TANC2: variants seen among roughly 807,000 people sequenced by gnomAD.
TANC2 encodes the protein protein TANC2.
In TANC2, 26 loss-of-function variants were observed where a neutral mutation model predicts 210.5. The ratio of observed to expected loss-of-function variants is 0.12; its 90% CI spans 0.09 to 0.17. The LOEUF is 0.17. TANC2 is among the 10% of genes least tolerant of loss of function. The pLI, the probability that TANC2 is intolerant of heterozygous loss-of-function variation, is 1.00. For synonymous variants in TANC2, 931 were observed against 967.1 expected, an observed-to-expected ratio of 0.96 and a Z score of 0.69; for missense variants, 2,129 against 2,608.9, an observed-to-expected ratio of 0.82 and a Z score of 4.01.
chr17:63,148,816 A>G (rs2039550000), intron 4 of TANC2: 1 of 152,154 alleles, frequency 6.6e-6, no homozygotes, highest in Non-Finnish European at 1.5e-5. Flanking sequence ...TCCAGGTAAA[A>G]CATTATGCCC....
intron 4 of TANC2, among the ~76,000 whole-genome samples, chr17:63,139,680 T>C (rs1429705555): frequency 3.9e-5 from 6 of 152,154 alleles, no homozygotes; most frequent in African/African-American, 1.4e-4. Flanking sequence ...CTGAGGAGTA[T>C]TGCTTGAAGC....
chr17:63,134,575 C>T (rs2039025348), intron 4 of TANC2, among the ~76,000 whole-genome samples: 1 of 152,152 alleles, frequency 6.6e-6, no homozygotes, highest in Non-Finnish European at 1.5e-5. Flanking sequence ...TATACTTCAG[C>T]TGTCTATTAC....
chr17:63,340,048 C>A, intron 11 of TANC2, 53 bp from the exon 12 acceptor site: 1 of 1,283,874 alleles, frequency 7.8e-7, no homozygotes, highest in Non-Finnish European at 1.1e-6. Context: ...ATAATCATAG[C>A]TATTGCTCTT....
At chr17:63,036,497 G>A (rs984581826) in intron 2 of TANC2, among the ~76,000 whole-genome samples, 1 of 152,164 alleles carries the variant, frequency 6.6e-6, no homozygotes, top group African/African-American at 2.4e-5. Flanking sequence ...GTACTGCACT[G>A]TCTTGATTAC....
intron 4 of TANC2, 38 bp from the exon 5 acceptor site, chr17:63,151,232 C>T (rs996537307): frequency 3.5e-5 from 32 of 903,126 alleles, no homozygotes; most frequent in Non-Finnish European, 4.2e-5. Flanking sequence ...CTTGCTCTCT[C>T]TGTCTCTTGC....
intron 10 of TANC2, among the ~76,000 whole-genome samples, chr17:63,317,924 A>G (rs977365390): frequency 7.9e-5 from 12 of 152,258 alleles, no homozygotes; most frequent in African/African-American, 2.9e-4. Flanking sequence ...GGAAGTGAAC[A>G]GCAGAAATAA....
chr17:63,190,357 A>G (rs1308556405), intron 5 of TANC2, among the ~76,000 whole-genome samples: 2 of 151,928 alleles, frequency 1.3e-5, no homozygotes, highest in African/African-American at 2.4e-5. Flanking sequence ...AAAAAAAAAG[A>G]TCAATTGACC....
chr17:63,147,571 C>T (rs187925646), intron 4 of TANC2, among the ~76,000 whole-genome samples: 44 of 152,214 alleles, frequency 2.9e-4, no homozygotes, highest in African/African-American at 1.1e-3. Flanking sequence ...GATTGCTGGG[C>T]CCCCACCTTC....
At chr17:63,171,160 A>C (rs1213611896) in intron 5 of TANC2, among the ~76,000 whole-genome samples, 1 of 134,672 alleles carries the variant, frequency 7.4e-6, no homozygotes, top group Non-Finnish European at 1.5e-5. Flanking sequence ...ATCTCAGCTC[A>C]CTGCACTCCA....
intron 21 of TANC2, among the ~76,000 whole-genome samples, chr17:63,409,082 G>C (rs548087897): frequency 6.6e-6 from 1 of 152,208 alleles, no homozygotes. Flanking sequence ...AGGGTGGGTG[G>C]AGAATTTAAA....
intron 1 of TANC2, among the ~76,000 whole-genome samples, chr17:62,982,735 T>C (rs1466401085): frequency 1.3e-5 from 2 of 152,202 alleles, no homozygotes; most frequent in Non-Finnish European, 2.9e-5. Flanking sequence ...TTCTGCAATG[T>C]ATGTTATTGG....
intron 5 of TANC2, among the ~76,000 whole-genome samples, chr17:63,171,529 A>G (rs2040404903): frequency 6.6e-6 from 1 of 152,216 alleles, no homozygotes; most frequent in Non-Finnish European, 1.5e-5. Context: ...AAAAATTTTA[A>G]TAGAGAATAA....
chr17:63,384,542 T>C (rs957885344), intron 15 of TANC2, among the ~76,000 whole-genome samples: 3 of 152,108 alleles, frequency 2.0e-5, no homozygotes, highest in African/African-American at 7.2e-5. Flanking sequence ...TAGTTATATA[T>C]ATAAATGTTA....
chr17:63,383,366 C>T (rs2047674285), intron 15 of TANC2, among the ~76,000 whole-genome samples: 1 of 152,150 alleles, frequency 6.6e-6, no homozygotes, highest in African/African-American at 2.4e-5. Context: ...TCATTCCTCT[C>T]CCCTTACCCT....
chr17:63,424,783 C>G (rs1237381807), exon 28 of TANC2: 1 of 152,058 alleles, frequency 6.6e-6, no homozygotes, highest in African/African-American at 2.4e-5. Flanking sequence ...AATAGCAGAA[C>G]CGCTCTTGTC....
intron 4 of TANC2, among the ~76,000 whole-genome samples, chr17:63,122,804 T>G (rs770585313): frequency 3.3e-5 from 5 of 152,222 alleles, no homozygotes; most frequent in Non-Finnish European, 7.3e-5. Context: ...AAATTATACT[T>G]TGCTTTAATA....
At chr17:62,969,690 A>G (rs2031577000) in intron 1 of TANC2, among the ~76,000 whole-genome samples, 1 of 127,416 alleles carries the variant, frequency 7.8e-6, no homozygotes, top group South Asian at 2.6e-4. Flanking sequence ...GTAGTTTAAT[A>G]TAGTGTGTGT....
chr17:63,130,360 A>T (rs2038874420), intron 4 of TANC2, among the ~76,000 whole-genome samples: 1 of 151,964 alleles, frequency 6.6e-6, no homozygotes, highest in African/African-American at 2.4e-5. Flanking sequence ...AAAAATACAA[A>T]AATTAGCTGG....
At chr17:63,090,457 G>A (rs1465167826) in intron 3 of TANC2, among the ~76,000 whole-genome samples, 1 of 151,974 alleles carries the variant, frequency 6.6e-6, no homozygotes, top group Non-Finnish European at 1.5e-5. Flanking sequence ...GTGAGAACGT[G>A]TGGTATTTGC....
Sources: allele counts gnomAD v4.1 joint callset (sites outside exome capture counted in the v4.1 genomes callset), GRCh38; gene constraint gnomAD v4.1.1; transcripts MANE v1.5; gene names NCBI Gene and HGNC (gene_info 2026-07-23, HGNC 2026-07-21).